KIZ: variants seen among roughly 807,000 people sequenced by gnomAD.
KIZ encodes the protein kizuna centrosomal protein.
A neutral mutation model predicts 79.6 loss-of-function variants in KIZ; 68 were observed. The ratio of observed to expected loss-of-function variants is 0.85; its 90% CI spans 0.70 to 1.05. KIZ has a LOEUF of 1.05. Ranked by LOEUF, KIZ falls within the 50% of genes least tolerant of loss-of-function variation. The pLI is 0.00. For missense variants in KIZ, 797 were observed against 800.4 expected (o/e 1.00, Z 0.05); for synonymous variants, 280 against 281.8 (o/e 0.99, Z 0.06).
chr20:21,132,067 T>C (rs2031882322), intron 1 of KIZ, 30 bp from the exon 2 acceptor site: 2 of 902,782 alleles, frequency 2.2e-6, no homozygotes, highest in African/African-American at 3.4e-5. Flanking sequence ...ACTTATCATG[T>C]AATTACTTAT....
chr20:21,160,182 C>T lies in KIZ; in HGVS notation c.406-1689C>T, dbSNP rs139161903. Among the ~76,000 whole-genome samples the T allele has an allele frequency of 1.9e-3, 295 of 152,292 alleles. 2 individuals are homozygous for T. Among genetic ancestry groups the T allele is most frequent in the East Asian group, 6.8e-3 (35 of 5,180 alleles). ...AGTGTGGTCGGTCCAGATAACCTGC[C>T]TTACACAGCTGCTCTCTGGTGACCA... is the stretch of plus-strand genomic sequence containing the variant. On this transcript the variant is annotated intron_variant, in intron 4 of 12. Transcript: ENST00000619189.
intron 3 of KIZ, among the ~76,000 whole-genome samples, chr20:21,137,992 G>A (rs146403274): frequency 0.013 from 1,989 of 152,072 alleles, 12 homozygotes; most frequent in Non-Finnish European, 0.019. Flanking sequence ...GGCTGGTCTC[G>A]AACTCCCAGT....
chr20:21,202,884 A>G (rs1438077325), intron 6 of KIZ, among the ~76,000 whole-genome samples: 1 of 152,024 alleles, frequency 6.6e-6, no homozygotes, highest in Admixed American at 6.6e-5. Context: ...TATACCCACT[A>G]CTCAGATCCA....
intron 6 of KIZ, among the ~76,000 whole-genome samples, chr20:21,203,743 G>C (rs1300201364): frequency 6.6e-6 from 1 of 151,792 alleles, no homozygotes; most frequent in African/African-American, 2.4e-5. Flanking sequence ...ATGAATTGTT[G>C]CCCTACCAGC....
At chr20:21,173,897 T>C (rs2034327457) in intron 6 of KIZ, among the ~76,000 whole-genome samples, 1 of 152,118 alleles carries the variant, frequency 6.6e-6, no homozygotes, top group Admixed American at 6.6e-5. Context: ...AAATACATTT[T>C]AAAGCCATGG....
chr20:21,224,291 TAA>T (rs1460318444), intron 9 of KIZ, among the ~76,000 whole-genome samples: 1 of 152,242 alleles, frequency 6.6e-6, no homozygotes, highest in African/African-American at 2.4e-5. Flanking sequence ...TATTTTTATT[TAA>T]GCAGATTACT....
In KIZ at chr20:21,214,638, A is replaced by G. The variant is rs371181828; in HGVS notation, c.1550A>G (p.Asn517Ser). 24 of 1,612,764 alleles carry G rather than the reference A, an allele frequency of 1.5e-5. No homozygotes were observed. Among genetic ancestry groups the G allele is most frequent in the East Asian group, 1.3e-4 (6 of 44,856 alleles). The change falls in exon 8 of 13, where the codon AAT becomes AGT. Residue 517 changes from asparagine (N) to serine (S), a missense_variant. By Grantham distance (46) the Asn-to-Ser change is conservative. Coordinates refer to ENST00000619189, the MANE Select transcript of KIZ (RefSeq NM_018474.6). The stretch of plus-strand genomic sequence containing the variant: ...AGCTTGCCATCTATTCTGAATGACA[A>G]TAGTGGAATAAAGGAAGCCAAACCT... Reference protein sequence around the residue: ...SCSLPSILNDNSGIKEAKPAV... With the variant: ...SCSLPSILNDSSGIKEAKPAV...
At chr20:21,215,524 C>A in intron 8 of KIZ, 59 bp from the exon 9 acceptor site, 1 of 992,854 alleles carries the variant, frequency 1.0e-6, no homozygotes, top group Non-Finnish European at 1.5e-6. Context: ...GACAAACACC[C>A]AAAGGATCTA....
chr20:21,167,427 G>A (rs1432115835), intron 6 of KIZ, among the ~76,000 whole-genome samples: 3 of 152,150 alleles, frequency 2.0e-5, no homozygotes, highest in African/African-American at 2.4e-5. Context: ...CACCATCTGA[G>A]CAAGTGCATT....
At chr20:21,204,897 C>G (rs1333974324) in intron 6 of KIZ, among the ~76,000 whole-genome samples, 1 of 152,184 alleles carries the variant, frequency 6.6e-6, no homozygotes, top group African/African-American at 2.4e-5. Flanking sequence ...TGATCTTTTT[C>G]TCTTCACTAC....
intron 6 of KIZ, among the ~76,000 whole-genome samples, chr20:21,180,671 G>T (rs1180555801): frequency 6.6e-6 from 1 of 152,166 alleles, no homozygotes; most frequent in African/African-American, 2.4e-5. Flanking sequence ...GGTTGTTCAA[G>T]ACCCAAATAA....
At chr20:21,213,734 G>A (rs1230554287) in intron 7 of KIZ, 1 of 152,174 alleles carries the variant, frequency 6.6e-6, no homozygotes, top group Admixed American at 6.5e-5. Flanking sequence ...AAAAGACTTG[G>A]CTACTAACCC....
intron 11 of KIZ, among the ~76,000 whole-genome samples, chr20:21,236,367 G>A (rs2037006842): frequency 6.6e-6 from 1 of 152,182 alleles, no homozygotes; most frequent in Admixed American, 6.5e-5. Flanking sequence ...ACATATGTCT[G>A]TTTTGAGGAA....
chr20:21,246,087 C>T (rs1166846437), intron 12 of KIZ: 1 of 198,442 alleles, frequency 5.0e-6, no homozygotes, highest in East Asian at 1.6e-4. Context: ...CTTCTCCTCT[C>T]TGCTCTCATA....
At chr20:21,227,703 A>T (rs2036701634) in intron 9 of KIZ, among the ~76,000 whole-genome samples, 2 of 152,246 alleles carry the variant, frequency 1.3e-5, no homozygotes, top group Non-Finnish European at 2.9e-5. Flanking sequence ...ACACCATCCC[A>T]TTGGAGCCAT....
At chr20:21,139,235 T>A (rs1301467216) in intron 3 of KIZ, among the ~76,000 whole-genome samples, 2 of 152,150 alleles carry the variant, frequency 1.3e-5, no homozygotes, top group African/African-American at 2.4e-5. Context: ...CATAACCCCG[T>A]TAATTCTGAG....
chr20:21,135,906 T>G (rs990767524), intron 2 of KIZ, among the ~76,000 whole-genome samples: 2 of 152,232 alleles, frequency 1.3e-5, no homozygotes, highest in African/African-American at 4.8e-5. Flanking sequence ...TATGTTTATA[T>G]TATCTAAATG....
intron 6 of KIZ, among the ~76,000 whole-genome samples, chr20:21,193,840 C>T (rs1294824168): frequency 8.3e-6 from 1 of 120,640 alleles, no homozygotes; most frequent in African/African-American, 3.3e-5. Context: ...GAACATCACA[C>T]ACTGGGGACT....
intron 3 of KIZ, among the ~76,000 whole-genome samples, chr20:21,138,698 A>T (rs1276177890): frequency 1.3e-5 from 2 of 151,940 alleles, no homozygotes; most frequent in Non-Finnish European, 2.9e-5. Context: ...CCCCTTTTGC[A>T]TATTAGTAAC....
Sources: allele counts gnomAD v4.1 joint callset (sites outside exome capture counted in the v4.1 genomes callset), GRCh38; gene constraint gnomAD v4.1.1; transcripts MANE v1.5; gene names NCBI Gene and HGNC (gene_info 2026-07-23, HGNC 2026-07-21).